Variants in DLGAP4 observed in about 807,000 individuals in gnomAD.
DLGAP4 encodes the protein DLG associated protein 4, also known as disks large-associated protein 4.
Under a neutral mutation model 86.9 loss-of-function variants are expected in DLGAP4, and 18 were observed. That is an observed-to-expected ratio of 0.21 (90% CI 0.14 to 0.31). The LOEUF (loss-of-function observed/expected upper bound fraction) is 0.31, where lower values mean the gene tolerates loss of function less well. DLGAP4 is among the 10% of genes least tolerant of loss of function. The probability of loss-of-function intolerance (pLI) is 1.00; values close to 1 mark genes in which losing one functional copy is unlikely to be tolerated. For missense variants in DLGAP4, 1,085 were observed against 1,362.6 expected (o/e 0.80, Z 3.21); for synonymous variants, 548 against 574.3 (o/e 0.95, Z 0.65).
chr20:36,318,242 G>T (rs2065130739), intron 1 of DLGAP4, among the ~76,000 whole-genome samples: 2 of 152,024 alleles, frequency 1.3e-5, no homozygotes, highest in Admixed American at 6.6e-5. Flanking sequence ...CTGTTTCTGG[G>T]TAGGTCCTGG....
At chr20:36,442,657 T>G in intron 5 of DLGAP4, 70 bp from the exon 6 acceptor site, 1 of 1,562,650 alleles carries the variant, frequency 6.4e-7, no homozygotes, top group Non-Finnish European at 8.8e-7. Flanking sequence ...TTCCTTGCAA[T>G]TGACCCTGAA....
intron 2 of DLGAP4, among the ~76,000 whole-genome samples, chr20:36,429,467 C>T (rs1002163634): frequency 1.9e-4 from 27 of 139,070 alleles, no homozygotes; most frequent in African/African-American, 4.1e-4. Flanking sequence ...TGCAGTGGCA[C>T]GATCTCAGCT....
intron 1 of DLGAP4, among the ~76,000 whole-genome samples, chr20:36,317,225 T>TTC (rs1350641803): frequency 3.4e-4 from 7 of 20,612 alleles, no homozygotes; most frequent in Admixed American, 1.7e-3. Context: ...CTCTCCTTTT[T>TTC]TCTTTCTTTC....
chr20:36,385,690 G>T (rs1032552983), intron 2 of DLGAP4, among the ~76,000 whole-genome samples: 2 of 152,186 alleles, frequency 1.3e-5, no homozygotes, highest in Admixed American at 1.3e-4. Flanking sequence ...CTCCCTAATG[G>T]CTCCAAGCTG....
chr20:36,479,105 ATC>A (rs1286883828), intron 7 of DLGAP4, among the ~76,000 whole-genome samples: 1 of 152,190 alleles, frequency 6.6e-6, no homozygotes, highest in African/African-American at 2.4e-5. Flanking sequence ...TTTCAAAGAC[ATC>A]TTCCCAGATG....
intron 4 of DLGAP4, among the ~76,000 whole-genome samples, chr20:36,437,479 G>T (rs769155881): frequency 6.6e-6 from 1 of 152,188 alleles, no homozygotes; most frequent in Non-Finnish European, 1.5e-5. Flanking sequence ...GCCAAAGCCC[G>T]CTCTACCCTT....
chr20:36,461,799 C>T (rs2034089138), intron 7 of DLGAP4: 6 of 978,568 alleles, frequency 6.1e-6, no homozygotes, highest in Non-Finnish European at 7.3e-6. Flanking sequence ...GCCGCCAGTC[C>T]TCCAGCCCGT....
rs6130839 is a variant in DLGAP4, at chr20:36,410,111, C to T, written c.-72-21535C>T. ...TCCTGTTCCTAGTTTATTGGGTACC[C>T]TTCCACTGATAGGCAAATACGAATA... On this transcript the variant is annotated intron_variant, in intron 2 of 12. Transcript: ENST00000339266. Among the ~76,000 whole-genome samples the T allele has an allele frequency of 4.6e-5, 7 of 152,032 alleles. No individual in the cohort carries two copies. In the South Asian group the frequency reaches 1.5e-3, roughly 32 times the overall value.
At chr20:36,473,267 A>C (rs1600597870) in intron 7 of DLGAP4, 1 of 152,254 alleles carries the variant, frequency 6.6e-6, no homozygotes, top group Non-Finnish European at 1.5e-5. Flanking sequence ...TTTGGGACCC[A>C]GATGTCCTGA....
chr20:36,380,241 A>G (rs1216626182), intron 2 of DLGAP4, among the ~76,000 whole-genome samples: 3 of 148,894 alleles, frequency 2.0e-5, no homozygotes, highest in African/African-American at 7.7e-5. Flanking sequence ...CCTCTACAAA[A>G]AATACAAAAA....
chr20:36,494,934 G>A (rs1202659739), intron 7 of DLGAP4, among the ~76,000 whole-genome samples: 1 of 148,808 alleles, frequency 6.7e-6, no homozygotes, highest in African/African-American at 2.5e-5. Flanking sequence ...GCAACATAGT[G>A]AGACCTCATC....
intron 1 of DLGAP4, among the ~76,000 whole-genome samples, chr20:36,314,857 G>A (rs1255576219): frequency 7.0e-6 from 1 of 141,894 alleles, no homozygotes; most frequent in Non-Finnish European, 1.6e-5. Context: ...GCTATGATGT[G>A]TGTGATGTGG....
chr20:36,474,346 G>C (rs576534301), intron 7 of DLGAP4, among the ~76,000 whole-genome samples: 1 of 152,306 alleles, frequency 6.6e-6, no homozygotes, highest in South Asian at 2.1e-4. Flanking sequence ...AAGAAGGGCA[G>C]ACTGTCCAGG....
At position 36,432,526 on chromosome 20, in the gene DLGAP4, C is replaced by T. The variant is rs147974567; in HGVS notation, c.809C>T (p.Pro270Leu). 5.0e-4 allele frequency: 802 copies of T among 1,609,868 alleles called. No homozygotes were observed. Among genetic ancestry groups the T allele is most frequent in the South Asian group, 6.1e-4 (55 of 90,434 alleles). Residue 270 changes from proline to leucine, a missense_variant, in exon 3 of 13, where the codon CCG (proline) becomes CTG (leucine). Physicochemically the swap from Pro to Leu is moderately conservative, Grantham distance 98 (BLOSUM62 -3). Around this residue, in one of 2 missense-constraint regions of DLGAP4, gnomAD observed 1,082 missense variants for 1,344.1 expected, o/e 0.81. Coordinates refer to ENST00000339266, the MANE Select transcript of DLGAP4 (RefSeq NM_001365621.2). This position sits in a 1 kb window ranked among gnomAD's most constrained non-coding sequence, Gnocchi z 6.5. The part of the protein sequence containing the change: ...NTTELTAPPP[P>L]PAPPATCPSL... ...ACTGAGCTGACTGCCCCACCACCCC[C>T]GCCCGCACCCCCAGCCACCTGCCCC...
Position 36,328,338 on chromosome 20 carries a change from C to T in DLGAP4, c.-304+21826C>T, listed in dbSNP as rs569812393. The stretch of plus-strand genomic sequence containing the variant: ...TGGGCATCTTTTGTGCTGAGTAGGG[C>T]GTCCAGCTGGGAGGACATCAGACCC... On this transcript the variant is annotated intron_variant, in intron 1 of 12. Coordinates refer to ENST00000339266, the MANE Select transcript of DLGAP4 (RefSeq NM_001365621.2). Among the ~76,000 whole-genome samples the T allele has an allele frequency of 2.8e-4, 42 of 152,236 alleles. 1 individual carries two copies. The highest frequency in any genetic ancestry group is 3.4e-3 in the Middle Eastern group (1 of 294).
chr20:36,524,107 G>A lies in DLGAP4; in HGVS notation c.2513-143G>A, dbSNP rs1000520373. ...TTTTTCTCAATGAGAATGGATTAAT[G>A]TGTAGATAAAATGAAGACCACCGCC... On this transcript the variant is annotated intron_variant, in intron 10 of 12. Coordinates refer to ENST00000339266, the MANE Select transcript of DLGAP4 (RefSeq NM_001365621.2). 8 of 703,514 alleles carry A rather than the reference G, an allele frequency of 1.1e-5. No individual in the cohort carries two copies. The African/African-American group carries it at 1.4e-4, about 12-fold the overall frequency. The allele number at this position is 703,514 out of a possible 1,614,324, so 43.6% of individuals were successfully genotyped here.
intron 1 of DLGAP4, among the ~76,000 whole-genome samples, chr20:36,340,253 C>T (rs1438806755): frequency 2.0e-5 from 3 of 152,018 alleles, no homozygotes; most frequent in East Asian, 3.9e-4. Flanking sequence ...GCACACCCTC[C>T]GTTTCTCGGG....
chr20:36,519,116 C>CA (rs57477007), intron 10 of DLGAP4, among the ~76,000 whole-genome samples: 9,161 of 138,964 alleles, frequency 0.066, 969 homozygotes, highest in African/African-American at 0.22. Flanking sequence ...GACTCCATCT[C>CA]AAAAAAAAAA....
At chr20:36,319,237 A>G (rs1555890289) in intron 1 of DLGAP4, among the ~76,000 whole-genome samples, 1 of 152,072 alleles carries the variant, frequency 6.6e-6, no homozygotes, top group East Asian at 1.9e-4. Context: ...GGGGTGGCCC[A>G]AGTTTGAGTC....
Sources: gnomAD v4.1 joint callset for allele counts (sites outside exome capture counted in the v4.1 genomes callset) on GRCh38, gnomAD v4.1.1 for gene constraint, gnomAD v4.1.1 regional missense constraint, Gnocchi (gnomAD v3.1) non-coding constraint, MANE v1.5 for transcripts, NCBI Gene and HGNC (gene_info 2026-07-23, HGNC 2026-07-21) for gene names.